Variants in NRCAM observed in about 807,000 individuals in gnomAD.
The protein encoded by NRCAM is neuronal cell adhesion molecule.
A neutral mutation model predicts 156.5 loss-of-function variants in NRCAM; 83 were observed. The ratio of observed to expected loss-of-function variants is 0.53; its 90% CI spans 0.44 to 0.64. NRCAM has a LOEUF of 0.64. Among genes scored for constraint, NRCAM ranks in the 30% least tolerant of loss-of-function variants. NRCAM has a pLI of 0.00. For synonymous variants in NRCAM, 538 were observed against 563.9 expected, an observed-to-expected ratio of 0.95 and a Z score of 0.65; for missense variants, 1,417 against 1,597.3, an observed-to-expected ratio of 0.89 and a Z score of 1.92.
At chr7:108,366,065 T>A (rs189701851) in intron 2 of NRCAM, among the ~76,000 whole-genome samples, 3 of 152,154 alleles carry the variant, frequency 2.0e-5, no homozygotes, top group Non-Finnish European at 4.4e-5. Context: ...TTCCTTTCCA[T>A]CTCTTCTGCC....
chr7:108,299,113 A>AG (rs1365521824), intron 3 of NRCAM, among the ~76,000 whole-genome samples: 2 of 90,538 alleles, frequency 2.2e-5, no homozygotes, highest in African/African-American at 8.9e-5. Context: ...CTCAAAAAAA[A>AG]AAAAGAAAGA....
chr7:108,184,586 C>A lies in NRCAM; in HGVS notation c.2064G>T (p.Met688Ile). Residue 688 changes from methionine (M) to isoleucine (I), a missense_variant, in exon 21 of 33, where the codon ATG becomes ATT. Coordinates refer to ENST00000379028, the MANE Select transcript of NRCAM (RefSeq NM_001037132.4). ...GGTGGTGCCACAGCCCTGGCTTGTGCATTGCATCTTCATATTCGATGATGA... is the reference window on the plus strand; with the variant it reads ...GGTGGTGCCACAGCCCTGGCTTGTGAATTGCATCTTCATATTCGATGATGA... ...TKFIIEYEDA[M>I]HKPGLWHHQT... 1 of 1,613,438 alleles carries A rather than the reference C, an allele frequency of 6.2e-7. No homozygotes were observed. The highest frequency in any genetic ancestry group is 8.5e-7 in the Non-Finnish European group (1 of 1,179,992).
intron 3 of NRCAM, among the ~76,000 whole-genome samples, chr7:108,297,786 T>G (rs2098480578): frequency 6.6e-6 from 1 of 152,242 alleles, no homozygotes; most frequent in African/African-American, 2.4e-5. Context: ...AATGTGTGTG[T>G]GTGCATGCGC....
intron 3 of NRCAM, among the ~76,000 whole-genome samples, chr7:108,267,136 C>A (rs1476987266): frequency 1.3e-5 from 2 of 152,160 alleles, no homozygotes; most frequent in African/African-American, 2.4e-5. Flanking sequence ...GCTTAGGGAA[C>A]CAGAATCTTT....
At chr7:108,397,418 T>A (rs1374919992) in intron 2 of NRCAM, among the ~76,000 whole-genome samples, 1 of 152,132 alleles carries the variant, frequency 6.6e-6, no homozygotes, top group African/African-American at 2.4e-5. Context: ...GAAGTTGAAA[T>A]TTTTACCCCA....
chr7:108,436,120 T>C (rs548214621), intron 1 of NRCAM, among the ~76,000 whole-genome samples: 8 of 152,180 alleles, frequency 5.3e-5, no homozygotes, highest in East Asian at 3.9e-4. Context: ...GGCGACAGAG[T>C]GAGACTCCGT....
chr7:108,226,354 T>C lies in NRCAM; in HGVS notation c.575A>G (p.Glu192Gly). The C allele has an allele frequency of 6.2e-7, 1 of 1,612,852 alleles. No homozygotes were observed. Among genetic ancestry groups the C allele is most frequent in the Non-Finnish European group, 8.5e-7 (1 of 1,179,252 alleles). ...DNSFQRLPQS[E>G]RVSQGLNGDL... ...CCCATTCAAACCTTGAGAAACTCTC[T>C]CACTTTGTGGAAGTCTTTGAAAGGC... Residue 192 changes from glutamate (E) to glycine (G), a missense_variant, in exon 9 of 33, where the codon GAG becomes GGG. Around this residue, in one of 2 missense-constraint regions of NRCAM, gnomAD observed 1,238 missense variants for 1,336.4 expected, o/e 0.93. Transcript: ENST00000379028.
At chr7:108,436,946 T>TA in intron 1 of NRCAM, among the ~76,000 whole-genome samples, 1 of 152,184 alleles carries the variant, frequency 6.6e-6, no homozygotes, top group African/African-American at 2.4e-5. Flanking sequence ...AATCAGTATA[T>TA]TGAAGAGATA....
At chr7:108,368,768 C>T (rs1278178770) in intron 2 of NRCAM, among the ~76,000 whole-genome samples, 1 of 151,966 alleles carries the variant, frequency 6.6e-6, no homozygotes, top group African/African-American at 2.4e-5. Context: ...CATGAGAAAC[C>T]GTATATTTCT....
chr7:108,292,806 T>C (rs2098341003), intron 3 of NRCAM, among the ~76,000 whole-genome samples: 1 of 152,080 alleles, frequency 6.6e-6, no homozygotes, highest in East Asian at 1.9e-4. Context: ...GAGAAAGCAT[T>C]AGGAAAAAAT....
intron 28 of NRCAM, among the ~76,000 whole-genome samples, chr7:108,174,820 C>G (rs1298223767): frequency 2.6e-5 from 4 of 152,238 alleles, no homozygotes; most frequent in African/African-American, 9.6e-5. Flanking sequence ...TAGTCCCAAA[C>G]CAGTTGGAGG....
chr7:108,378,014 T>C (rs557674381), intron 2 of NRCAM, among the ~76,000 whole-genome samples: 1 of 152,286 alleles, frequency 6.6e-6, no homozygotes, highest in African/African-American at 2.4e-5. Flanking sequence ...TCTACAAAGA[T>C]ATGCACCCTC....
chr7:108,225,738 G>C (rs779104290), intron 9 of NRCAM, 37 bp from the exon 10 acceptor site: 1 of 1,344,994 alleles, frequency 7.4e-7, no homozygotes, highest in Non-Finnish European at 1.1e-6. Flanking sequence ...GGGCATAAAA[G>C]TGGGGGAGAA....
At chr7:108,385,306 A>G (rs1315905603) in intron 2 of NRCAM, among the ~76,000 whole-genome samples, 1 of 152,186 alleles carries the variant, frequency 6.6e-6, no homozygotes, top group Non-Finnish European at 1.5e-5. Context: ...AACACCCAAT[A>G]TACCTACAGT....
intron 29 of NRCAM, among the ~76,000 whole-genome samples, chr7:108,167,731 G>T (rs1307063450): frequency 6.6e-6 from 1 of 152,180 alleles, no homozygotes; most frequent in African/African-American, 2.4e-5. Context: ...AGTGAAAGCT[G>T]CCCCATCTCC....
chr7:108,170,570 T>C (rs2057865849), intron 28 of NRCAM, among the ~76,000 whole-genome samples: 2 of 152,188 alleles, frequency 1.3e-5, no homozygotes, highest in Non-Finnish European at 2.9e-5. Flanking sequence ...GAGTTGTCCC[T>C]CCTTTCCAGA....
intron 6 of NRCAM, among the ~76,000 whole-genome samples, 156 bp downstream of exon 6, chr7:108,234,427 G>C (rs1048885749): frequency 6.6e-6 from 1 of 152,154 alleles, no homozygotes; most frequent in African/African-American, 2.4e-5. Context: ...GAACCAAAGG[G>C]CAATCTAGTG....
intron 25 of NRCAM, chr7:108,178,348 A>G (rs1481186342): frequency 4.1e-6 from 2 of 493,586 alleles, no homozygotes; most frequent in East Asian, 4.2e-5. Flanking sequence ...CAAAACACAT[A>G]ATGACTTTGC....
At chr7:108,336,754 T>G (rs1338277977) in intron 2 of NRCAM, among the ~76,000 whole-genome samples, 2 of 152,168 alleles carry the variant, frequency 1.3e-5, no homozygotes, top group Non-Finnish European at 2.9e-5. Flanking sequence ...AATGTAAAAA[T>G]TATTTTTAGG....
Sources: gnomAD v4.1 joint callset for allele counts (sites outside exome capture counted in the v4.1 genomes callset) on GRCh38, gnomAD v4.1.1 for gene constraint, gnomAD v4.1.1 regional missense constraint, MANE v1.5 for transcripts, NCBI Gene and HGNC (gene_info 2026-07-23, HGNC 2026-07-21) for gene names.